The following WAS variants were observed in gnomAD, a reference collection of about 807,000 sequenced individuals.
The protein encoded by WAS is actin nucleation-promoting factor WAS.
Under a neutral mutation model 38.9 loss-of-function variants are expected in WAS, and 1 was observed. That is an observed-to-expected ratio of 0.03 (90% confidence interval 0.01 to 0.12). The LOEUF (loss-of-function observed/expected upper bound fraction) is 0.12, where lower values mean the gene tolerates loss of function less well. Among genes scored for constraint, WAS ranks in the 10% least tolerant of loss-of-function variants. The probability of loss-of-function intolerance (pLI) is 1.00; values close to 1 mark genes in which losing one functional copy is unlikely to be tolerated. For missense variants in WAS, 311 were observed against 431.2 expected (o/e 0.72, Z 2.47); for synonymous variants, 182 against 173.6 (o/e 1.05, Z -0.38).
chrX:48,685,532 C>G lies in WAS; in HGVS notation c.274-15C>G. ...GCCTCAGTGCCACTGTGCCTCCCAC[C>G]CTACACCTCTCCAGGCTGGTCGGCT... On this transcript the variant is annotated splice_polypyrimidine_tract_variant and intron_variant, in intron 2 of 11. Coordinates refer to ENST00000376701, the MANE Select transcript of WAS (RefSeq NM_000377.3). 1 of 1,184,278 alleles carries G rather than the reference C, an allele frequency of 8.4e-7. No individual in the cohort carries two copies. Among genetic ancestry groups the G allele is most frequent in the Non-Finnish European group, 1.1e-6 (1 of 880,889 alleles).
chrX:48,677,113 G>C, intron 1 of WAS, among the ~76,000 whole-genome samples: 1 of 111,941 alleles, frequency 8.9e-6, no homozygotes, highest in South Asian at 3.7e-4. Flanking sequence ...GACTGGGCCA[G>C]GGTTTTCCTG....
upstream of WAS, among the ~76,000 whole-genome samples, chrX:48,679,032 CTT>C (rs1365720507): frequency 2.0e-5 from 2 of 101,553 alleles, no homozygotes; most frequent in African/African-American, 3.5e-5. Flanking sequence ...GTTTTTCTTT[CTT>C]TTTTTTTTTT....
At chrX:48,689,803 T>G (rs1411837558) in intron 11 of WAS, among the ~76,000 whole-genome samples, 1 of 109,423 alleles carries the variant, frequency 9.1e-6, no homozygotes, top group African/African-American at 3.3e-5. Context: ...GAGACCAGCC[T>G]GGGCAATATA....
chrX:48,688,638 ATG>A lies in WAS; in HGVS notation c.932-18_932-17del, dbSNP rs1246061886. 4 of 1,207,787 alleles carry A rather than the reference ATG, an allele frequency of 3.3e-6. No individual in the cohort carries two copies. Among genetic ancestry groups the A allele is most frequent in the Non-Finnish European group, 4.5e-6 (4 of 893,625 alleles). On this transcript the variant is annotated intron_variant, in intron 9 of 11. Coordinates refer to ENST00000376701, the MANE Select transcript of WAS (RefSeq NM_000377.3). The stretch of plus-strand genomic sequence containing the variant: ...GAAGAAATCAATGAGAGTTACAGCT[ATG>A]TGTTATACCCCCTCCACAGAGCCAC...
At chrX:48,687,960 G>C (rs987150768) in intron 7 of WAS, 94 bp from the exon 8 acceptor site, 15 of 945,526 alleles carry the variant, frequency 1.6e-5, no homozygotes, top group Non-Finnish European at 2.1e-5. Context: ...GCCCCTCAGA[G>C]TCTCTTTGGG....
intron 11 of WAS, among the ~76,000 whole-genome samples, chrX:48,690,700 G>A (rs1387329295): frequency 9.1e-6 from 1 of 109,452 alleles, no homozygotes; most frequent in African/African-American, 3.3e-5. Context: ...TCAGCCTTCC[G>A]AGTAGCTGGG....
chrX:48,691,197 C>T lies in WAS; in HGVS notation c.*35C>T, dbSNP rs781928233. 5.0e-6 allele frequency: 6 copies of T among 1,189,062 alleles called. No homozygotes were observed. The highest frequency in any genetic ancestry group is 4.7e-4 in the Middle Eastern group (2 of 4,246). On this transcript the variant is annotated 3_prime_UTR_variant, in exon 12 of 12. Transcript: ENST00000376701. ...TTACTTGCTGCCCTGTGCTCCTCCC[C>T]GCAGGACATGGCTCCCCCTCCACCT...
In WAS at chrX:48,677,403, T is replaced by C. The variant is rs1245609826; in HGVS notation, c.-131+655T>C. On this transcript the variant is annotated intron_variant, in intron 1 of 8. Transcript: ENST00000450772. ...TTCATTGATCCAAGTTACTCAGCTA[T>C]TTCATAGAAACGGCAACAGTAATGA... is the stretch of plus-strand genomic sequence containing the variant. Among the ~76,000 whole-genome samples the C allele has an allele frequency of 1.1e-4, 12 of 111,931 alleles. No homozygotes were observed. The Admixed American group carries it at 1.1e-3, about 11-fold the overall frequency.
intron 6 of WAS, 143 bp downstream of exon 6, chrX:48,686,277 G>A: frequency 2.8e-6 from 2 of 706,028 alleles, no homozygotes; most frequent in Non-Finnish European, 4.4e-6. Flanking sequence ...ATGGATGTGT[G>A]GACTGATGGA....
At chrX:48,679,028 C>T (rs1312914834), upstream of WAS, among the ~76,000 whole-genome samples, 1 of 108,342 alleles carries the variant, frequency 9.2e-6, no homozygotes, top group African/African-American at 3.4e-5. Flanking sequence ...TTAAGTTTTT[C>T]TTTCTTTTTT....
At chrX:48,684,090 C>G in intron 1 of WAS, 105 bp downstream of exon 1, 2 of 1,105,301 alleles carry the variant, frequency 1.8e-6, no homozygotes, top group Non-Finnish European at 2.5e-6. Context: ...CCCTCTCCAT[C>G]ATCTCCTCTC....
At position 48,688,947 on chromosome X, in the gene WAS, G is replaced by A. The variant is rs782602857; in HGVS notation, c.1219G>A (p.Gly407Arg). 3.3e-5 allele frequency: 39 copies of A among 1,164,544 alleles called. No homozygotes were observed. Among genetic ancestry groups the A allele is most frequent in the Non-Finnish European group, 4.1e-5 (36 of 872,177 alleles). ...PPPPPPPPSS[G>R]NGPAPPPLPP... ...ACCACCGCCACCGCCGCCCAGCTCCGGGAATGGACCAGCCCCTCCCCCACT... is the reference window on the plus strand; with the variant it reads ...ACCACCGCCACCGCCGCCCAGCTCCAGGAATGGACCAGCCCCTCCCCCACT... The change falls in exon 10 of 12, where the codon GGG becomes AGG. Residue 407 changes from glycine to arginine, a missense_variant. Physicochemically the swap from Gly to Arg is moderately radical, Grantham distance 125. Coordinates refer to ENST00000376701, the MANE Select transcript of WAS (RefSeq NM_000377.3).
intron 11 of WAS, among the ~76,000 whole-genome samples, chrX:48,690,762 C>T (rs182270501): frequency 1.8e-5 from 2 of 110,861 alleles, no homozygotes; most frequent in Non-Finnish European, 3.8e-5. Flanking sequence ...TGTCATTAAC[C>T]CCATTATGTG....
Position 48,691,145 on chromosome X carries a change from G to C in WAS, c.1492G>C (p.Asp498His). Reference sequence around the variant, plus strand: ...CCAGGCTGGCGATGAAGATGAAGATGATGAATGGGATGACTGAGTGGCTGA... The same window carrying C: ...CCAGGCTGGCGATGAAGATGAAGATCATGAATGGGATGACTGAGTGGCTGA... ...EDQAGDEDED[D>H]EWDD is the part of the protein sequence containing the mutation. The change falls in exon 12 of 12, where the codon GAT (aspartate) becomes CAT (histidine). Residue 498 changes from aspartate to histidine, a missense_variant. By Grantham distance (81) the Asp-to-His change is moderately conservative. Around this residue, in one of 4 missense-constraint regions of WAS, gnomAD observed 142 missense variants for 157.6 expected, o/e 0.90. Transcript: ENST00000376701. The C allele has an allele frequency of 8.3e-7, 1 of 1,210,539 alleles. No individual in the cohort carries two copies. Among genetic ancestry groups the C allele is most frequent in the Non-Finnish European group, 1.1e-6 (1 of 895,148 alleles).
intron 9 of WAS, 78 bp downstream of exon 9, chrX:48,688,531 C>T (rs1348704047): frequency 8.4e-7 from 1 of 1,194,831 alleles, no homozygotes; most frequent in African/African-American, 1.8e-5. Flanking sequence ...TCACTCAGTC[C>T]TTATGGGAGC....
At chrX:48,689,881 G>A (rs1343932710) in intron 11 of WAS, among the ~76,000 whole-genome samples, 1 of 107,380 alleles carries the variant, frequency 9.3e-6, no homozygotes, top group South Asian at 4.2e-4. Context: ...TGTGCCTGTG[G>A]TCCCAGCTAC....
chrX:48,686,089 G>C lies in WAS; in HGVS notation c.514G>C (p.Gly172Arg), dbSNP rs1250456911. 1 of 1,210,735 alleles carries C rather than the reference G, an allele frequency of 8.3e-7. No homozygotes were observed. Among genetic ancestry groups the C allele is most frequent in the Non-Finnish European group, 1.1e-6 (1 of 895,324 alleles). The change falls in exon 6 of 12, where the codon GGA becomes CGA. Residue 172 changes from glycine to arginine, a missense_variant. Gly to Arg is a moderately radical substitution (Grantham distance 125). Transcript: ENST00000376701. ...ACATTCCATCTTCCCAGAGAGAAGA[G>C]GAGGGCTCCCACCCCTGCCCCTGCA... ...PPTPANEERR[G>R]GLPPLPLHPG... is the part of the protein sequence containing the mutation.
upstream of WAS, among the ~76,000 whole-genome samples, chrX:48,683,026 C>T (rs2062406534): frequency 9.0e-6 from 1 of 111,289 alleles, no homozygotes; most frequent in South Asian, 3.7e-4. Flanking sequence ...TCACGATAGG[C>T]GTGGATCACA....
upstream of WAS, among the ~76,000 whole-genome samples, chrX:48,682,571 A>G (rs1557005945): frequency 8.9e-6 from 1 of 112,364 alleles, no homozygotes; most frequent in Non-Finnish European, 1.9e-5. Context: ...TTGTTCAGGC[A>G]TTCATATATG....
Sources: gnomAD v4.1 joint callset for allele counts (sites outside exome capture counted in the v4.1 genomes callset) on GRCh38, gnomAD v4.1.1 for gene constraint, gnomAD v4.1.1 regional missense constraint, MANE v1.5 for transcripts, NCBI Gene and HGNC (gene_info 2026-07-23, HGNC 2026-07-21) for gene names.